ARHGAP10: variants seen among roughly 807,000 people sequenced by gnomAD.
The protein encoded by ARHGAP10 is Rho GTPase activating protein 10, also known as rho GTPase-activating protein 10.
Under a neutral mutation model 108.6 loss-of-function variants are expected in ARHGAP10, and 87 were observed. The observed-to-expected ratio is 0.80, with a 90% CI of 0.67 to 0.96. The LOEUF is 0.96. Ranked by LOEUF, ARHGAP10 falls within the 40% of genes least tolerant of loss-of-function variation. The pLI is 0.00. For missense variants in ARHGAP10, 939 were observed against 954.5 expected (o/e 0.98, Z 0.21); for synonymous variants, 347 against 341.1 (o/e 1.02, Z -0.19).
rs1055765504 is a variant in ARHGAP10, at chr4:147,757,488, G to A, written c.154+25033G>A. Among the ~76,000 whole-genome samples, 10 of 152,244 alleles carry A rather than the reference G, an allele frequency of 6.6e-5. No homozygotes were observed. In the East Asian group the frequency reaches 1.4e-3, roughly 21 times the overall value. On this transcript the variant is annotated intron_variant, in intron 1 of 22. Transcript: ENST00000336498. ...TCGGATTACAGGTGTGAGCCACCGC[G>A]CCTGGCTGGGGCAGTGTAGCTTTGA...
intron 4 of ARHGAP10, among the ~76,000 whole-genome samples, chr4:147,848,284 G>A (rs1311631285): frequency 2.6e-5 from 4 of 152,224 alleles, no homozygotes; most frequent in Non-Finnish European, 5.9e-5. Flanking sequence ...CCGTATTACA[G>A]TTTTTAATGA....
At chr4:148,025,525 A>C (rs1449802164) in intron 19 of ARHGAP10, among the ~76,000 whole-genome samples, 1 of 152,074 alleles carries the variant, frequency 6.6e-6, no homozygotes, top group African/African-American at 2.4e-5. Flanking sequence ...GTGTGAAAAA[A>C]TAGTTATTTC....
intron 4 of ARHGAP10, 140 bp from the exon 5 acceptor site, chr4:147,857,413 G>GT (rs373287966): frequency 1.2e-6 from 1 of 830,158 alleles, no homozygotes; most frequent in African/African-American, 1.8e-5. Context: ...GTACAGATAT[G>GT]TTTTTTTAGA....
At chr4:147,783,315 A>G (rs1236409589) in intron 1 of ARHGAP10, among the ~76,000 whole-genome samples, 1 of 143,594 alleles carries the variant, frequency 7.0e-6, no homozygotes, top group Admixed American at 7.2e-5. Flanking sequence ...TATAACACAC[A>G]TTAAATTATG....
chr4:148,001,075 T>C (rs1314296146), intron 18 of ARHGAP10, among the ~76,000 whole-genome samples: 3 of 152,266 alleles, frequency 2.0e-5, no homozygotes, highest in Admixed American at 2.0e-4. Context: ...TTAATCCATC[T>C]TGAATTAATT....
At position 147,887,092 on chromosome 4, in the gene ARHGAP10, T is replaced by A. The variant is rs564589091; in HGVS notation, c.1034+5160T>A. On this transcript the variant is annotated intron_variant, in intron 10 of 22. Coordinates refer to ENST00000336498, the MANE Select transcript of ARHGAP10 (RefSeq NM_024605.4). ...TTCCTTAGTTGCTGTATACTCCCAG[T>A]TGAATATTTTATATTTTCCTCTCTC... Among the ~76,000 whole-genome samples, 3 of 152,278 alleles carry A rather than the reference T, an allele frequency of 2.0e-5. No homozygotes were observed. The South Asian group carries it at 6.2e-4, about 32-fold the overall frequency.
At chr4:147,825,055 C>CTGCA (rs2126789287) in intron 3 of ARHGAP10, among the ~76,000 whole-genome samples, 1 of 152,338 alleles carries the variant, frequency 6.6e-6, no homozygotes. Context: ...CTCCCTGTCA[C>CTGCA]TGCAGCTGGC....
At chr4:147,901,386 T>C (rs1736232383) in intron 10 of ARHGAP10, among the ~76,000 whole-genome samples, 1 of 152,208 alleles carries the variant, frequency 6.6e-6, no homozygotes, top group Non-Finnish European at 1.5e-5. Flanking sequence ...GTTGCAAGTG[T>C]GAAGTGTTCT....
chr4:147,875,664 A>C (rs1344402019), intron 8 of ARHGAP10, among the ~76,000 whole-genome samples: 1 of 152,120 alleles, frequency 6.6e-6, no homozygotes, highest in Non-Finnish European at 1.5e-5. Flanking sequence ...TTTTGTTCCC[A>C]CCAGTCTGAG....
At chr4:147,947,512 C>T (rs919130245) in intron 15 of ARHGAP10, among the ~76,000 whole-genome samples, 34 of 151,934 alleles carry the variant, frequency 2.2e-4, no homozygotes, top group African/African-American at 8.0e-4. Context: ...AATCAATTCT[C>T]ATGTCTCAGC....
chr4:147,753,150 A>G (rs1729230371), intron 1 of ARHGAP10, among the ~76,000 whole-genome samples: 1 of 152,174 alleles, frequency 6.6e-6, no homozygotes, highest in Non-Finnish European at 1.5e-5. Context: ...GTAAACCTCA[A>G]TTTGCGTATG....
intron 5 of ARHGAP10, among the ~76,000 whole-genome samples, chr4:147,860,198 T>C (rs979429695): frequency 1.3e-5 from 2 of 152,172 alleles, no homozygotes; most frequent in African/African-American, 4.8e-5. Flanking sequence ...ATCCCAGCAC[T>C]GTGGGAGGCC....
chr4:147,819,338 A>AAC (rs1176048437), intron 1 of ARHGAP10, among the ~76,000 whole-genome samples: 2 of 152,154 alleles, frequency 1.3e-5, no homozygotes, highest in African/African-American at 4.8e-5. Flanking sequence ...AATATAAACA[A>AAC]ACATGTTCGT....
chr4:147,865,068 T>G, intron 6 of ARHGAP10, 112 bp downstream of exon 6: 1 of 891,172 alleles, frequency 1.1e-6, no homozygotes, highest in Non-Finnish European at 1.7e-6. Context: ...TGCATAAACA[T>G]GAAAGAGACA....
At chr4:147,756,544 T>C (rs1420495788) in intron 1 of ARHGAP10, among the ~76,000 whole-genome samples, 2 of 152,168 alleles carry the variant, frequency 1.3e-5, no homozygotes, top group Non-Finnish European at 2.9e-5. Flanking sequence ...CCAGAAATAA[T>C]TCATGAGTTT....
intron 10 of ARHGAP10, among the ~76,000 whole-genome samples, chr4:147,893,906 A>G (rs1186479798): frequency 6.6e-6 from 1 of 152,194 alleles, no homozygotes; most frequent in African/African-American, 2.4e-5. Context: ...TTTTCCCTAA[A>G]GATGATACTG....
chr4:147,793,807 A>T (rs573474388), intron 1 of ARHGAP10, among the ~76,000 whole-genome samples: 2 of 152,302 alleles, frequency 1.3e-5, no homozygotes, highest in Admixed American at 1.3e-4. Context: ...AAGCTTCTTG[A>T]CCTTTGTACA....
chr4:147,899,228 T>A (rs562093760), intron 10 of ARHGAP10, among the ~76,000 whole-genome samples: 3 of 152,242 alleles, frequency 2.0e-5, no homozygotes, highest in Admixed American at 2.0e-4. Context: ...CTTTAAAATT[T>A]TGTTAAAATT....
At chr4:147,996,637 C>T (rs149920018) in intron 18 of ARHGAP10, among the ~76,000 whole-genome samples, 206 of 152,298 alleles carry the variant, frequency 1.4e-3, no homozygotes, top group African/African-American at 4.6e-3. Context: ...GCATAGATGC[C>T]TGGCTGAATC....
Sources: allele counts gnomAD v4.1 joint callset (sites outside exome capture counted in the v4.1 genomes callset), GRCh38; gene constraint gnomAD v4.1.1; transcripts MANE v1.5; gene names NCBI Gene and HGNC (gene_info 2026-07-23, HGNC 2026-07-21).